SGCZ: variants seen among roughly 807,000 people sequenced by gnomAD.
SGCZ encodes zeta-sarcoglycan.
SGCZ carries 40 observed loss-of-function variants against 41.3 expected under a neutral mutation model. The observed-to-expected ratio is 0.97, with a 90% CI of 0.75 to 1.26. SGCZ has a LOEUF of 1.26. Ranked by LOEUF, SGCZ falls within the 50% of genes most tolerant of loss-of-function variation. SGCZ has a pLI of 0.00. For missense variants in SGCZ, 552 were observed against 369.8 expected, an observed-to-expected ratio of 1.49 and a Z score of -4.04; for synonymous variants, 206 against 137.5, an observed-to-expected ratio of 1.50 and a Z score of -3.49.
chr8:14,285,408 C>T (rs1200937696), intron 3 of SGCZ, among the ~76,000 whole-genome samples: 3 of 152,030 alleles, frequency 2.0e-5, no homozygotes, highest in Admixed American at 6.5e-5. Flanking sequence ...TTGATACGCT[C>T]AGCATAACTC....
At chr8:15,055,552 C>A (rs1235874166) in intron 1 of SGCZ, among the ~76,000 whole-genome samples, 12 of 152,144 alleles carry the variant, frequency 7.9e-5, no homozygotes, top group South Asian at 2.1e-4. Context: ...TACATGGAAG[C>A]ACGAACCATT....
chr8:14,791,662 A>G lies in SGCZ; in HGVS notation c.40-236736T>C, dbSNP rs527747637. 5.9e-5 allele frequency among the ~76,000 whole-genome samples: 9 copies of G among 152,324 alleles called. No individual in the cohort carries two copies. The South Asian group carries it at 1.9e-3, about 32-fold the overall frequency. On this transcript the variant is annotated intron_variant, in intron 1 of 7. Transcript: ENST00000382080. ...AAACTTTCTGTTTAAATAAAGCTACACACAAGTGGCAGCCTCTGCTGTTCA... is the reference window on the plus strand; with the variant it reads ...AAACTTTCTGTTTAAATAAAGCTACGCACAAGTGGCAGCCTCTGCTGTTCA...
intron 1 of SGCZ, among the ~76,000 whole-genome samples, chr8:14,615,279 C>T (rs970019684): frequency 1.5e-4 from 23 of 152,146 alleles, no homozygotes; most frequent in Non-Finnish European, 2.4e-4. Context: ...TAGCAAACAG[C>T]CAGATTTCAG....
intron 1 of SGCZ, among the ~76,000 whole-genome samples, chr8:15,130,987 G>A (rs1807876180): frequency 6.6e-6 from 1 of 152,074 alleles, no homozygotes; most frequent in Admixed American, 6.5e-5. Context: ...AATGAACTCA[G>A]CAGCCTGTAG....
At chr8:14,417,812 T>C (rs1181277421) in intron 2 of SGCZ, among the ~76,000 whole-genome samples, 3 of 151,774 alleles carry the variant, frequency 2.0e-5, no homozygotes, top group Non-Finnish European at 2.9e-5. Context: ...TGTATGTATA[T>C]TGAAATATCA....
chr8:14,394,178 T>A (rs1471939017), intron 2 of SGCZ, among the ~76,000 whole-genome samples: 2 of 142,772 alleles, frequency 1.4e-5, no homozygotes, highest in Admixed American at 1.5e-4. Flanking sequence ...TGAGATTTAG[T>A]CTCACTCTGT....
chr8:14,302,063 C>G (rs920233533), intron 3 of SGCZ, among the ~76,000 whole-genome samples: 1 of 152,126 alleles, frequency 6.6e-6, no homozygotes, highest in Non-Finnish European at 1.5e-5. Flanking sequence ...CCTAAAAAGT[C>G]TTCTCTTTCT....
intron 1 of SGCZ, among the ~76,000 whole-genome samples, chr8:14,788,862 G>T (rs1023425877): frequency 6.6e-6 from 1 of 152,062 alleles, no homozygotes; most frequent in Non-Finnish European, 1.5e-5. Context: ...TGTAACCCCA[G>T]TGCTTTGGGT....
chr8:14,250,757 G>A (rs1390603896), intron 3 of SGCZ, among the ~76,000 whole-genome samples: 1 of 152,110 alleles, frequency 6.6e-6, no homozygotes, highest in Non-Finnish European at 1.5e-5. Context: ...CTCCTCTGTA[G>A]GGACTTACAT....
chr8:14,862,535 G>A (rs1439366878), intron 1 of SGCZ, among the ~76,000 whole-genome samples: 1 of 61,566 alleles, frequency 1.6e-5, no homozygotes, highest in Non-Finnish European at 3.0e-5. Flanking sequence ...GCATCTTTAA[G>A]ATATATATAT....
At chr8:15,138,493 T>TCTTG (rs1808199834) in intron 1 of SGCZ, among the ~76,000 whole-genome samples, 2 of 152,060 alleles carry the variant, frequency 1.3e-5, no homozygotes, top group African/African-American at 2.4e-5. Flanking sequence ...GTAGCTCCCA[T>TCTTG]AATCCCCACG....
intron 2 of SGCZ, among the ~76,000 whole-genome samples, chr8:14,488,228 A>G (rs1221730768): frequency 6.6e-6 from 1 of 152,254 alleles, no homozygotes; most frequent in Non-Finnish European, 1.5e-5. Flanking sequence ...AATAAAACAA[A>G]CAAAAACACA....
At chr8:15,200,737 G>C (rs1015583796) in intron 1 of SGCZ, among the ~76,000 whole-genome samples, 1 of 151,980 alleles carries the variant, frequency 6.6e-6, no homozygotes, top group African/African-American at 2.4e-5. Flanking sequence ...TGAATTGTAG[G>C]AACTATCAAT....
chr8:15,203,298 C>T (rs1173892738), intron 1 of SGCZ, among the ~76,000 whole-genome samples: 1 of 151,970 alleles, frequency 6.6e-6, no homozygotes, highest in African/African-American at 2.4e-5. Flanking sequence ...GGTCTTTTGC[C>T]TTTTATCTCT....
At chr8:14,246,355 C>A (rs1338571129) in intron 3 of SGCZ, among the ~76,000 whole-genome samples, 1 of 151,590 alleles carries the variant, frequency 6.6e-6, no homozygotes, top group East Asian at 2.0e-4. Context: ...GACAAAAAAC[C>A]AATCACTGCA....
At chr8:14,719,175 A>G (rs913618208) in intron 1 of SGCZ, among the ~76,000 whole-genome samples, 2 of 150,702 alleles carry the variant, frequency 1.3e-5, no homozygotes, top group African/African-American at 4.9e-5. Context: ...CCTACAAAGG[A>G]CATGAACTCA....
chr8:14,442,454 C>T (rs149223964), intron 2 of SGCZ, among the ~76,000 whole-genome samples: 2 of 152,124 alleles, frequency 1.3e-5, no homozygotes, highest in Non-Finnish European at 2.9e-5. Context: ...TTATAAATTA[C>T]CCAGTATCAG....
At chr8:15,033,943 A>G (rs896111430) in intron 1 of SGCZ, among the ~76,000 whole-genome samples, 2 of 152,188 alleles carry the variant, frequency 1.3e-5, no homozygotes, top group Non-Finnish European at 2.9e-5. Context: ...GAATCTCTGC[A>G]TGGGCTAAGT....
chr8:14,835,947 A>G (rs922342896), intron 1 of SGCZ, among the ~76,000 whole-genome samples: 33 of 152,222 alleles, frequency 2.2e-4, no homozygotes, highest in African/African-American at 7.2e-4. Context: ...TAAATTTCCA[A>G]TAAGTTGCTA....
Sources: gnomAD v4.1 joint callset for allele counts (sites outside exome capture counted in the v4.1 genomes callset) on GRCh38, gnomAD v4.1.1 for gene constraint, MANE v1.5 for transcripts, NCBI Gene and HGNC (gene_info 2026-07-23, HGNC 2026-07-21) for gene names.